Variants in AKAP10 observed in about 807,000 individuals in gnomAD.
AKAP10 encodes A-kinase anchor protein 10, mitochondrial.
A neutral mutation model predicts 80.8 loss-of-function variants in AKAP10; 24 were observed. The ratio of observed to expected loss-of-function variants is 0.30; its 90% CI spans 0.22 to 0.42. The LOEUF (loss-of-function observed/expected upper bound fraction) is 0.42. Ranked by LOEUF, AKAP10 falls within the 10% of genes least tolerant of loss-of-function variation. AKAP10 has a pLI of 1.00. For missense variants in AKAP10, 661 were observed against 794.9 expected, an observed-to-expected ratio of 0.83 and a Z score of 2.03; for synonymous variants, 291 against 277.7, an observed-to-expected ratio of 1.05 and a Z score of -0.48.
intron 1 of AKAP10, among the ~76,000 whole-genome samples, chr17:19,970,110 T>A (rs2043475755): frequency 6.6e-6 from 1 of 152,212 alleles, no homozygotes; most frequent in Non-Finnish European, 1.5e-5. Context: ...ACCACCTACC[T>A]GCCATCTTCC....
chr17:19,962,295 TACACAC>T (rs36115670), intron 3 of AKAP10, among the ~76,000 whole-genome samples: 62 of 125,136 alleles, frequency 5.0e-4, no homozygotes, highest in Middle Eastern at 3.7e-3. Flanking sequence ...TACATACATA[TACACAC>T]ACACACACAC....
chr17:19,958,834 T>C (rs16960550), intron 3 of AKAP10, among the ~76,000 whole-genome samples: 4,459 of 147,460 alleles, frequency 0.03, 174 homozygotes, highest in South Asian at 0.083. Flanking sequence ...ATTCAGACCA[T>C]GTAAATTCTT....
At chr17:19,935,031 CAATCAATA>C (rs771100861) in intron 9 of AKAP10, among the ~76,000 whole-genome samples, 28 of 152,018 alleles carry the variant, frequency 1.8e-4, no homozygotes, top group Non-Finnish European at 2.1e-4. Context: ...ATCAATCAAT[CAATCAATA>C]AACAGAATTT....
At chr17:19,926,276 TAA>T (rs754551841) in intron 10 of AKAP10, among the ~76,000 whole-genome samples, 11 of 132,538 alleles carry the variant, frequency 8.3e-5, no homozygotes, top group Admixed American at 7.7e-5. Context: ...TTTCATGATT[TAA>T]AAAAAAAAAA....
chr17:19,972,923 C>G (rs2043517582), intron 1 of AKAP10, among the ~76,000 whole-genome samples: 1 of 151,966 alleles, frequency 6.6e-6, no homozygotes, highest in Non-Finnish European at 1.5e-5. Context: ...TCTTATTTAC[C>G]TGGAATTTGT....
intron 1 of AKAP10, among the ~76,000 whole-genome samples, chr17:19,974,836 T>A (rs905611677): frequency 1.3e-5 from 2 of 152,044 alleles, no homozygotes; most frequent in Non-Finnish European, 2.9e-5. Context: ...AACACCCAGC[T>A]ATTTATTTTT....
chr17:19,914,921 G>C (rs2042729345), intron 12 of AKAP10, among the ~76,000 whole-genome samples: 1 of 152,152 alleles, frequency 6.6e-6, no homozygotes, highest in Non-Finnish European at 1.5e-5. Flanking sequence ...AGGTGATAGA[G>C]GCCAGCAAGG....
At chr17:19,940,048 G>A (rs985261719) in intron 7 of AKAP10, among the ~76,000 whole-genome samples, 199 bp from the exon 8 acceptor site, 2 of 152,150 alleles carry the variant, frequency 1.3e-5, no homozygotes, top group Non-Finnish European at 2.9e-5. Context: ...CGAAAAAAAA[G>A]TTAACAAGAA....
chr17:19,945,739 C>T (rs535734813), intron 5 of AKAP10, among the ~76,000 whole-genome samples: 1 of 152,240 alleles, frequency 6.6e-6, no homozygotes, highest in East Asian at 1.9e-4. Context: ...TGAGTGAGTG[C>T]AAAGCACCCA....
chr17:19,966,148 C>A (rs1016944610), intron 2 of AKAP10, among the ~76,000 whole-genome samples: 1 of 152,182 alleles, frequency 6.6e-6, no homozygotes, highest in Non-Finnish European at 1.5e-5. Context: ...TCCCACCCAA[C>A]ATAACAAAAC....
At chr17:19,976,502 AAAC>A (rs2043568869) in intron 1 of AKAP10, among the ~76,000 whole-genome samples, 1 of 151,558 alleles carries the variant, frequency 6.6e-6, no homozygotes, top group African/African-American at 2.4e-5. Context: ...CAAAAAAAGA[AAAC>A]AAAACCCATT....
chr17:19,939,434 CT>C lies in AKAP10; in HGVS notation c.1322+278del, dbSNP rs1367463985. Among the ~76,000 whole-genome samples, 8 of 152,244 alleles carry C rather than the reference CT, an allele frequency of 5.3e-5. No homozygotes were observed. In the East Asian group the frequency reaches 9.6e-4, roughly 18 times the overall value. On this transcript the variant is annotated intron_variant, in intron 8 of 14. Transcript: ENST00000225737. ...TGCCTTCTCTGGGTAGCAAAATTCCCTTCTTTCTTTGGGATCCAAACAAAAT... is the reference window on the plus strand; with the variant it reads ...TGCCTTCTCTGGGTAGCAAAATTCCCTCTTTCTTTGGGATCCAAACAAAAT...
At chr17:19,974,129 T>A (rs1434378721) in intron 1 of AKAP10, among the ~76,000 whole-genome samples, 1 of 151,896 alleles carries the variant, frequency 6.6e-6, no homozygotes, top group Admixed American at 6.6e-5. Context: ...GAGGCGGAGG[T>A]TGCAGTGAGC....
At chr17:19,957,893 CAAG>C in intron 4 of AKAP10, 118 bp downstream of exon 4, 1 of 1,075,190 alleles carries the variant, frequency 9.3e-7, no homozygotes, top group Non-Finnish European at 1.3e-6. Flanking sequence ...CCCAAATTTA[CAAG>C]TAGTTAGAGG....
At chr17:19,965,893 G>A (rs1270251908) in intron 2 of AKAP10, among the ~76,000 whole-genome samples, 1 of 151,116 alleles carries the variant, frequency 6.6e-6, no homozygotes, top group Non-Finnish European at 1.5e-5. Context: ...CTATCTCTCA[G>A]GACAATCTTG....
chr17:19,956,382 C>A (rs952033020), intron 4 of AKAP10, among the ~76,000 whole-genome samples: 1 of 151,768 alleles, frequency 6.6e-6, no homozygotes. Context: ...AGTCTGAATC[C>A]GAAGAAACAA....
At chr17:19,970,867 T>C (rs563358357) in intron 1 of AKAP10, among the ~76,000 whole-genome samples, 1 of 152,134 alleles carries the variant, frequency 6.6e-6, no homozygotes, top group South Asian at 2.1e-4. Context: ...TTTCCTTCCA[T>C]GTACGTTTTT....
chr17:19,919,543 G>C (rs1046173356), intron 12 of AKAP10, among the ~76,000 whole-genome samples: 3 of 151,982 alleles, frequency 2.0e-5, no homozygotes, highest in Non-Finnish European at 2.9e-5. Flanking sequence ...AATTAGCCAG[G>C]TGTGGTGGTG....
chr17:19,963,972 G>A (rs760685940), intron 2 of AKAP10, among the ~76,000 whole-genome samples: 8 of 151,900 alleles, frequency 5.3e-5, no homozygotes, highest in Non-Finnish European at 1.2e-4. Context: ...AGAAATATCA[G>A]TATCACCCCT....
Sources: allele counts gnomAD v4.1 joint callset (sites outside exome capture counted in the v4.1 genomes callset), GRCh38; gene constraint gnomAD v4.1.1; transcripts MANE v1.5; gene names NCBI Gene and HGNC (gene_info 2026-07-23, HGNC 2026-07-21).